The following ERICH1 variants were observed in gnomAD, a reference collection of about 807,000 sequenced individuals.
The protein encoded by ERICH1 is glutamate-rich protein 1.
Under a neutral mutation model 39.6 loss-of-function variants are expected in ERICH1, and 56 were observed. That is an observed-to-expected ratio of 1.41 (90% confidence interval 1.14 to 1.77). The LOEUF (loss-of-function observed/expected upper bound fraction) is 1.77. Ranked by LOEUF, ERICH1 falls within the 40% of genes most tolerant of loss-of-function variation. The probability of loss-of-function intolerance (pLI) is 0.00; values close to 1 mark genes in which losing one functional copy is unlikely to be tolerated. For missense variants in ERICH1, 826 were observed against 575.4 expected (o/e 1.44, Z -4.45); for synonymous variants, 313 against 223.6 (o/e 1.40, Z -3.57).
intron 3 of ERICH1, among the ~76,000 whole-genome samples, chr8:683,866 T>G (rs919505764): frequency 3.5e-4 from 54 of 152,222 alleles, no homozygotes; most frequent in Non-Finnish European, 6.9e-4. Context: ...CAAATACACA[T>G]TATTTCATAA....
At chr8:666,001 T>C (rs931520612) in intron 5 of ERICH1, 6 of 145,308 alleles carry the variant, frequency 4.1e-5, no homozygotes, top group Non-Finnish European at 6.3e-5. Context: ...CTTCATTGTT[T>C]GTAAAATTTT....
intron 1 of ERICH1, among the ~76,000 whole-genome samples, chr8:730,404 G>GA (rs1439598243): frequency 6.6e-6 from 1 of 152,018 alleles, no homozygotes; most frequent in African/African-American, 2.4e-5. Context: ...CATAGAGAAG[G>GA]AAAAAAATTC....
intron 3 of ERICH1, among the ~76,000 whole-genome samples, chr8:650,711 G>A (rs1252294399): frequency 2.6e-5 from 4 of 152,190 alleles, no homozygotes; most frequent in Non-Finnish European, 4.4e-5. Flanking sequence ...CCTGAAGAGG[G>A]TGCAGCCACC....
intron 3 of ERICH1, among the ~76,000 whole-genome samples, chr8:618,019 G>T (rs4735888): frequency 0.33 from 48,706 of 145,772 alleles, 7,902 homozygotes; most frequent in Middle Eastern, 0.42. Context: ...TTGGTGCTTG[G>T]TCCATCCTCA....
chr8:656,566 G>A (rs574368693), intron 3 of ERICH1, among the ~76,000 whole-genome samples: 12 of 152,316 alleles, frequency 7.9e-5, no homozygotes, highest in East Asian at 7.7e-4. Flanking sequence ...TTTGTAATGC[G>A]TCATCCTCCA....
intron 3 of ERICH1, among the ~76,000 whole-genome samples, chr8:653,263 TGAG>T (rs1457202974): frequency 6.6e-6 from 1 of 152,334 alleles, no homozygotes; most frequent in East Asian, 1.9e-4. Flanking sequence ...AAATGTGGCC[TGAG>T]AAGAATGCCA....
chr8:651,675 G>C (rs1474607597), intron 3 of ERICH1, among the ~76,000 whole-genome samples: 10 of 151,358 alleles, frequency 6.6e-5, no homozygotes, highest in African/African-American at 9.7e-5. Flanking sequence ...AGACGGGCAG[G>C]GTGGGGGAGA....
intron 5 of ERICH1, 87 bp from the exon 6 acceptor site, chr8:664,763 G>A: frequency 9.1e-7 from 1 of 1,093,116 alleles, no homozygotes. Context: ...CGAGCCTTTG[G>A]GCCCAAAGTG....
intron 3 of ERICH1, among the ~76,000 whole-genome samples, chr8:683,811 G>A (rs897166661): frequency 1.3e-5 from 2 of 152,208 alleles, no homozygotes; most frequent in African/African-American, 2.4e-5. Flanking sequence ...GTGATCTGCC[G>A]CTAAGCTAAA....
At chr8:686,192 T>TC (rs1258494721) in intron 3 of ERICH1, among the ~76,000 whole-genome samples, 1 of 152,070 alleles carries the variant, frequency 6.6e-6, no homozygotes, top group Non-Finnish European at 1.5e-5. Context: ...TACCTTTTTT[T>TC]CTCAGATACT....
intron 2 of ERICH1, among the ~76,000 whole-genome samples, chr8:699,838 G>GGTGCACAGACCCGCACAC: frequency 3.4e-5 from 2 of 58,392 alleles, no homozygotes; most frequent in South Asian, 1.2e-3. Flanking sequence ...GACCCGCACA[G>GGTGCACAGACCCGCACAC]GCGCACAGAC....
At chr8:641,820 C>T (rs1466683353) in intron 3 of ERICH1, among the ~76,000 whole-genome samples, 1 of 152,208 alleles carries the variant, frequency 6.6e-6, no homozygotes, top group East Asian at 1.9e-4. Context: ...CAGACCTCAT[C>T]AGAATCAACG....
At chr8:717,945 G>A (rs1314163525) in intron 1 of ERICH1, among the ~76,000 whole-genome samples, 2 of 152,260 alleles carry the variant, frequency 1.3e-5, no homozygotes, top group African/African-American at 4.8e-5. Context: ...GCCCAAGCAA[G>A]CATCAGATGA....
At chr8:723,961 T>A (rs1303585150) in intron 1 of ERICH1, among the ~76,000 whole-genome samples, 2 of 152,334 alleles carry the variant, frequency 1.3e-5, no homozygotes, top group South Asian at 4.1e-4. Context: ...GAGTAGTAGA[T>A]TCTTGAGGAG....
chr8:720,648 C>G (rs1419711347), intron 1 of ERICH1, among the ~76,000 whole-genome samples: 1 of 152,182 alleles, frequency 6.6e-6, no homozygotes, highest in Non-Finnish European at 1.5e-5. Flanking sequence ...ACGGGAAAGA[C>G]AATGTCCCTT....
intron 2 of ERICH1, among the ~76,000 whole-genome samples, chr8:701,293 C>G (rs939916781): frequency 6.6e-6 from 1 of 151,076 alleles, no homozygotes; most frequent in Non-Finnish European, 1.5e-5. Context: ...CCCCGCCGGA[C>G]GGGAGCACGC....
intron 3 of ERICH1, among the ~76,000 whole-genome samples, chr8:690,332 C>T (rs1270940013): frequency 6.6e-6 from 1 of 152,264 alleles, no homozygotes; most frequent in Non-Finnish European, 1.5e-5. Flanking sequence ...TTAGGTCTTC[C>T]TGTCCTGGCT....
intron 1 of ERICH1, 78 bp from the exon 2 acceptor site, chr8:716,085 A>G (rs1195573372): frequency 1.6e-5 from 24 of 1,495,828 alleles, no homozygotes; most frequent in Non-Finnish European, 2.1e-5. Context: ...CGTGACTTTT[A>G]CTCTACACAA....
chr8:634,178 A>AAC, intron 3 of ERICH1, among the ~76,000 whole-genome samples: 1 of 140,584 alleles, frequency 7.1e-6, no homozygotes, highest in African/African-American at 2.7e-5. Context: ...CAAAAAAAAA[A>AAC]AAAAAAAACA....
Sources: gnomAD v4.1 joint callset for allele counts (sites outside exome capture counted in the v4.1 genomes callset) on GRCh38, gnomAD v4.1.1 for gene constraint, MANE v1.5 for transcripts, NCBI Gene and HGNC (gene_info 2026-07-23, HGNC 2026-07-21) for gene names.